ZNF124: variants seen among roughly 807,000 people sequenced by gnomAD.
ZNF124 encodes the protein zinc finger protein HZF-16.
ZNF124 carries 25 observed loss-of-function variants against 26.6 expected under a neutral mutation model. The ratio of observed to expected loss-of-function variants is 0.94; its 90% CI spans 0.68 to 1.31. ZNF124 has a LOEUF of 1.31. Among genes scored for constraint, ZNF124 ranks in the 40% most tolerant of loss-of-function variants. The pLI, the probability that ZNF124 is intolerant of heterozygous loss-of-function variation, is 0.00. For missense variants in ZNF124, 444 were observed against 422.2 expected (o/e 1.05, Z -0.45); for synonymous variants, 129 against 133.3 (o/e 0.97, Z 0.22).
downstream of ZNF124, among the ~76,000 whole-genome samples, chr1:247,154,484 T>C (rs1340156588): frequency 2.6e-5 from 4 of 152,320 alleles, no homozygotes; most frequent in Non-Finnish European, 5.9e-5. Flanking sequence ...AATTTCTTCA[T>C]AGCAGTTCAA....
chr1:247,132,981 TGAG>T (rs768507164), intron 3 of ZNF124, among the ~76,000 whole-genome samples: 18 of 152,190 alleles, frequency 1.2e-4, no homozygotes, highest in Non-Finnish European at 2.2e-4. Flanking sequence ...ACCCGGTGTC[TGAG>T]GAGTTTTGTC....
intron 3 of ZNF124, among the ~76,000 whole-genome samples, chr1:247,158,549 A>G (rs1167992633): frequency 6.6e-6 from 1 of 152,200 alleles, no homozygotes; most frequent in Admixed American, 6.5e-5. Context: ...AACATTTAAC[A>G]TCCATGTTAC....
Position 247,155,816 on chromosome 1 carries a change from G to C in ZNF124, c.*750C>G, listed in dbSNP as rs1673095910. ...GCAGAGCTTACAGTGAACTGAGATT[G>C]TGCCACTGCACACCAGCCTGGGCGA... On this transcript the variant is annotated 3_prime_UTR_variant, in exon 4 of 4. Transcript: ENST00000543802. 1.8e-6 allele frequency: 1 copy of C among 555,288 alleles called. No individual in the cohort carries two copies. The highest frequency in any genetic ancestry group is 2.1e-5 in the African/African-American group (1 of 47,268). 34.4% of individuals were successfully genotyped at this position (555,288 alleles called of 1,614,324 possible).
intron 3 of ZNF124, among the ~76,000 whole-genome samples, chr1:247,149,297 A>G (rs1316929460): frequency 6.6e-6 from 1 of 152,332 alleles, no homozygotes; most frequent in East Asian, 1.9e-4. Flanking sequence ...GTGGCTCATC[A>G]CAATATTAAA....
chr1:247,154,660 AAG>A (rs1673039541), downstream of ZNF124, among the ~76,000 whole-genome samples: 1 of 152,098 alleles, frequency 6.6e-6, no homozygotes, highest in Admixed American at 6.6e-5. Flanking sequence ...CTTCATTACC[AAG>A]AGAGATTTAA....
At position 247,159,724 on chromosome 1, in the gene ZNF124, G is replaced by T; in HGVS notation, c.120C>A (p.Asp40Glu). ...LDPSQKNLYR[D>E]VMQETFRNLA... ...GATTCCTGAAGGTTTCCTGCATCAC[G>T]TCTCTATAGAGATTCTTCTGGGAAG... is the stretch of plus-strand genomic sequence containing the variant. The change falls in exon 2 of 4, where the codon GAC becomes GAA. Residue 40 changes from aspartate to glutamate, a missense_variant. Transcript: ENST00000543802. 1 of 1,613,130 alleles carries T rather than the reference G, an allele frequency of 6.2e-7. No homozygotes were observed. The highest frequency in any genetic ancestry group is 8.5e-7 in the Non-Finnish European group (1 of 1,179,750).
At chr1:247,151,478 C>CA (rs565076160), downstream of ZNF124, among the ~76,000 whole-genome samples, 10,181 of 73,270 alleles carry the variant, frequency 0.14, 482 homozygotes, top group African/African-American at 0.21. Flanking sequence ...GACTCCGTCT[C>CA]AAAAAAAAAA....
chr1:247,166,879 G>A (rs767405346), intron 1 of ZNF124, among the ~76,000 whole-genome samples: 3 of 152,054 alleles, frequency 2.0e-5, no homozygotes, highest in Admixed American at 6.6e-5. Flanking sequence ...TCATACTAAC[G>A]CAGAAATCCT....
chr1:247,152,398 A>T (rs1672971959), downstream of ZNF124, among the ~76,000 whole-genome samples: 1 of 151,544 alleles, frequency 6.6e-6, no homozygotes, highest in Non-Finnish European at 1.5e-5. Flanking sequence ...ACAAAAGATA[A>T]AAAGAAAACA....
intron 1 of ZNF124, among the ~76,000 whole-genome samples, chr1:247,164,009 T>C (rs1673640856): frequency 6.6e-6 from 1 of 152,162 alleles, no homozygotes; most frequent in Admixed American, 6.5e-5. Context: ...ATAAATGTGA[T>C]TCACAACATA....
intron 1 of ZNF124, among the ~76,000 whole-genome samples, chr1:247,163,183 C>T (rs1336958099): frequency 6.6e-6 from 1 of 151,784 alleles, no homozygotes. Context: ...CACTAAATGC[C>T]CACATCAAAA....
intron 1 of ZNF124, among the ~76,000 whole-genome samples, chr1:247,161,456 C>G (rs775507051): frequency 6.6e-6 from 1 of 151,810 alleles, no homozygotes; most frequent in Non-Finnish European, 1.5e-5. Flanking sequence ...ATAAATAGAC[C>G]ACTTGCAGAA....
intron 3 of ZNF124, among the ~76,000 whole-genome samples, chr1:247,147,437 G>T (rs1320910382): frequency 6.6e-6 from 1 of 151,300 alleles, no homozygotes. Context: ...ATATTGGCCA[G>T]GCTGGTCTCG....
At chr1:247,160,136 T>A (rs1673400760) in intron 1 of ZNF124, among the ~76,000 whole-genome samples, 1 of 152,152 alleles carries the variant, frequency 6.6e-6, no homozygotes, top group African/African-American at 2.4e-5. Flanking sequence ...CAGGCACATG[T>A]CACCACGCCC....
intron 1 of ZNF124, among the ~76,000 whole-genome samples, chr1:247,167,266 A>G (rs1673832717): frequency 6.6e-6 from 1 of 152,214 alleles, no homozygotes; most frequent in Non-Finnish European, 1.5e-5. Context: ...CATTCAACAC[A>G]GTATTGGAAA....
chr1:247,161,768 T>C (rs1572093287), intron 1 of ZNF124, among the ~76,000 whole-genome samples: 1 of 152,088 alleles, frequency 6.6e-6, no homozygotes, highest in Non-Finnish European at 1.5e-5. Context: ...ATAATAATAA[T>C]AGTAAATAAT....
intron 2 of ZNF124, 142 bp downstream of exon 2, chr1:247,159,545 C>CA: frequency 1.3e-6 from 1 of 764,626 alleles, no homozygotes; most frequent in Non-Finnish European, 2.0e-6. Flanking sequence ...GACTAAGAAA[C>CA]AAGAGTCATT....
intron 1 of ZNF124, among the ~76,000 whole-genome samples, chr1:247,167,093 A>G (rs150535180): frequency 3.9e-4 from 59 of 152,366 alleles, no homozygotes; most frequent in African/African-American, 1.4e-3. Context: ...AGACCCACTC[A>G]TGATAAAAAT....
At chr1:247,136,030 AAAT>A (rs1672473908) in intron 3 of ZNF124, among the ~76,000 whole-genome samples, 2 of 151,854 alleles carry the variant, frequency 1.3e-5, no homozygotes, top group South Asian at 4.1e-4. Context: ...ACATATCTCA[AAAT>A]AATAAGAGCT....
Sources: gnomAD v4.1 joint callset for allele counts (sites outside exome capture counted in the v4.1 genomes callset) on GRCh38, gnomAD v4.1.1 for gene constraint, MANE v1.5 for transcripts, NCBI Gene and HGNC (gene_info 2026-07-23, HGNC 2026-07-21) for gene names.